Variants in GRM5 observed in about 807,000 individuals in gnomAD.
The protein encoded by GRM5 is glutamate metabotropic receptor 5, also known as metabotropic glutamate receptor 5.
Under a neutral mutation model 83.1 loss-of-function variants are expected in GRM5, and 19 were observed. The ratio of observed to expected loss-of-function variants is 0.23; its 90% CI spans 0.16 to 0.34. GRM5 has a LOEUF of 0.34. GRM5 is among the 10% of genes least tolerant of loss of function. GRM5 has a pLI of 1.00. For missense variants in GRM5, 1,160 were observed against 1,588.3 expected (o/e 0.73, Z 4.58); for synonymous variants, 675 against 633.6 (o/e 1.07, Z -0.98).
chr11:89,062,474 ACAATAAAATCCCATGTAG>A (rs1942015194), intron 1 of GRM5, among the ~76,000 whole-genome samples: 1 of 152,224 alleles, frequency 6.6e-6, no homozygotes. Context: ...GAAACTCTGA[ACAATAAAATCCCATGTAG>A]CGAATGGAGA....
intron 3 of GRM5, among the ~76,000 whole-genome samples, chr11:88,811,698 T>C (rs1051562986): frequency 1.3e-5 from 2 of 152,156 alleles, no homozygotes; most frequent in Admixed American, 1.3e-4. Flanking sequence ...GAAGTAATGA[T>C]ACAAAATTAT....
intron 3 of GRM5, among the ~76,000 whole-genome samples, chr11:88,669,794 G>T (rs1940146068): frequency 2.6e-5 from 4 of 152,028 alleles, no homozygotes; most frequent in Admixed American, 2.6e-4. Context: ...ACTTGATAAA[G>T]AGTTATACTG....
chr11:89,037,356 T>C (rs1315942008), intron 2 of GRM5, among the ~76,000 whole-genome samples: 1 of 152,122 alleles, frequency 6.6e-6, no homozygotes, highest in Non-Finnish European at 1.5e-5. Flanking sequence ...CCTTGTCTAG[T>C]ATCCACTCCA....
intron 2 of GRM5, among the ~76,000 whole-genome samples, chr11:88,964,327 T>C (rs1396276039): frequency 6.6e-6 from 1 of 152,092 alleles, no homozygotes; most frequent in Non-Finnish European, 1.5e-5. Flanking sequence ...TAGCCTTCAT[T>C]TTATTTTTCT....
intron 2 of GRM5, chr11:88,984,697 A>G (rs758337914): frequency 1.6e-6 from 1 of 607,526 alleles, no homozygotes; most frequent in South Asian, 2.0e-5. Flanking sequence ...AAAAAGGGTT[A>G]AAAGTTTATG....
At chr11:88,790,240 C>T (rs1055137174) in intron 3 of GRM5, among the ~76,000 whole-genome samples, 1 of 152,142 alleles carries the variant, frequency 6.6e-6, no homozygotes, top group Non-Finnish European at 1.5e-5. Context: ...CTTCTATCTA[C>T]CCATTAATTC....
At chr11:89,016,856 C>A (rs986722859) in intron 2 of GRM5, among the ~76,000 whole-genome samples, 2 of 152,096 alleles carry the variant, frequency 1.3e-5, no homozygotes, top group Non-Finnish European at 2.9e-5. Context: ...TGTTTCCACT[C>A]AGTTTTTCAT....
At chr11:88,515,806 G>A (rs557251786) in intron 9 of GRM5, among the ~76,000 whole-genome samples, 11 of 152,340 alleles carry the variant, frequency 7.2e-5, no homozygotes, top group African/African-American at 2.4e-4. Flanking sequence ...AGACATAGCT[G>A]TTTTGTGTCT....
intron 3 of GRM5, among the ~76,000 whole-genome samples, chr11:88,685,761 A>C (rs894394322): frequency 2.6e-5 from 4 of 152,210 alleles, no homozygotes; most frequent in Non-Finnish European, 5.9e-5. Flanking sequence ...GCGACCCCCA[A>C]GTCTTGGCAG....
intron 9 of GRM5, among the ~76,000 whole-genome samples, chr11:88,510,530 T>G (rs532291024): frequency 6.6e-6 from 1 of 152,244 alleles, no homozygotes; most frequent in East Asian, 1.9e-4. Context: ...TATTTTTTGT[T>G]TTTTAGACGG....
At chr11:89,051,701 C>T (rs1210229398) in intron 1 of GRM5, among the ~76,000 whole-genome samples, 4 of 152,116 alleles carry the variant, frequency 2.6e-5, no homozygotes, top group African/African-American at 7.2e-5. Flanking sequence ...AAGAGTGATA[C>T]TCCGTCTCAA....
At chr11:89,040,075 G>A (rs887110302) in intron 2 of GRM5, among the ~76,000 whole-genome samples, 22 of 151,824 alleles carry the variant, frequency 1.4e-4, no homozygotes, top group African/African-American at 4.8e-4. Context: ...TTTGAGCATA[G>A]CAAGTCACAG....
chr11:88,768,085 T>C (rs1942657799), intron 3 of GRM5, among the ~76,000 whole-genome samples: 1 of 151,970 alleles, frequency 6.6e-6, no homozygotes, highest in Admixed American at 6.6e-5. Context: ...GAAATTTCAC[T>C]TCTGGGTACA....
intron 2 of GRM5, among the ~76,000 whole-genome samples, chr11:88,898,397 T>G (rs1374026987): frequency 2.0e-5 from 3 of 152,128 alleles, no homozygotes; most frequent in South Asian, 4.1e-4. Context: ...TCACATCCCT[T>G]TTTTGGAGGC....
chr11:88,738,456 T>A (rs931002582), intron 3 of GRM5, among the ~76,000 whole-genome samples: 1 of 152,078 alleles, frequency 6.6e-6, no homozygotes, highest in African/African-American at 2.4e-5. Flanking sequence ...GGGTAAAAAA[T>A]GTATTAAGAG....
At chr11:88,581,741 G>A (rs962364758) in intron 7 of GRM5, among the ~76,000 whole-genome samples, 7 of 152,128 alleles carry the variant, frequency 4.6e-5, no homozygotes, top group African/African-American at 1.7e-4. Flanking sequence ...ATTTAGGAAA[G>A]GATAGTTCCC....
At chr11:88,547,203 A>G (rs919644357) in intron 8 of GRM5, among the ~76,000 whole-genome samples, 2 of 152,212 alleles carry the variant, frequency 1.3e-5, no homozygotes, top group Non-Finnish European at 2.9e-5. Flanking sequence ...GAAAGAAACT[A>G]TTACAAATGG....
chr11:88,815,715 TG>T lies in GRM5; in HGVS notation c.911+34190del, dbSNP rs201293081. ...GCCTCTTTTTAACAACCACTGCTTG[TG>T]GGAACTAACAGAGTGAGAACTCACT... On this transcript the variant is annotated intron_variant, in intron 3 of 9. Transcript: ENST00000305447. 4.5e-3 allele frequency among the ~76,000 whole-genome samples: 681 copies of T among 152,224 alleles called. 4 individuals carry two copies. The highest frequency in any genetic ancestry group is 0.016 in the African/African-American group (647 of 41,530).
chr11:88,612,268 T>C (rs897586518), intron 4 of GRM5, among the ~76,000 whole-genome samples: 1 of 150,290 alleles, frequency 6.7e-6, no homozygotes, highest in Non-Finnish European at 1.5e-5. Context: ...ATTTCCAATT[T>C]CATCCATGTC....
Sources: allele counts gnomAD v4.1 joint callset (sites outside exome capture counted in the v4.1 genomes callset), GRCh38; gene constraint gnomAD v4.1.1; transcripts MANE v1.5; gene names NCBI Gene and HGNC (gene_info 2026-07-23, HGNC 2026-07-21).